ERI1: variants seen among roughly 807,000 people sequenced by gnomAD.
ERI1 encodes exoribonuclease 1.
In ERI1, 39 loss-of-function variants were observed where a neutral mutation model predicts 39.7. The ratio of observed to expected loss-of-function variants is 0.98; its 90% CI spans 0.76 to 1.28. The LOEUF (loss-of-function observed/expected upper bound fraction) is 1.28, where lower values mean the gene tolerates loss of function less well. Ranked by LOEUF, ERI1 falls within the 50% of genes most tolerant of loss-of-function variation. ERI1 has a pLI of 0.00. For synonymous variants in ERI1, 204 were observed against 149.6 expected (o/e 1.36, Z -2.65); for missense variants, 581 against 416.9 (o/e 1.39, Z -3.43).
chr8:9,024,409 CTT>C (rs896739169), intron 6 of ERI1, among the ~76,000 whole-genome samples: 1 of 149,566 alleles, frequency 6.7e-6, no homozygotes, highest in Non-Finnish European at 1.5e-5. Context: ...TCTTTTTTCT[CTT>C]TTCTTTTCTT....
At chr8:9,004,470 C>T (rs867675353) in intron 1 of ERI1, among the ~76,000 whole-genome samples, 1 of 144,364 alleles carries the variant, frequency 6.9e-6, no homozygotes, top group Admixed American at 7.0e-5. Context: ...CTGTTGCATG[C>T]TCTTTATAGT....
intron 3 of ERI1, among the ~76,000 whole-genome samples, chr8:9,046,554 G>A (rs768752617): frequency 2.0e-4 from 31 of 152,220 alleles, no homozygotes; most frequent in Non-Finnish European, 3.2e-4. Context: ...CAGTGACTAC[G>A]ACTCTTACTC....
chr8:9,045,434 C>T (rs1000311821), intron 3 of ERI1, among the ~76,000 whole-genome samples: 2 of 151,876 alleles, frequency 1.3e-5, no homozygotes, highest in African/African-American at 2.4e-5. Flanking sequence ...GCTTAATAGG[C>T]AGGCTCTCAT....
chr8:9,035,221 A>G (rs959980333), downstream of ERI1, among the ~76,000 whole-genome samples: 3 of 152,246 alleles, frequency 2.0e-5, no homozygotes, highest in South Asian at 2.1e-4. Context: ...AGATCTAGCT[A>G]AGATAACTAA....
chr8:9,009,272 A>AT, intron 2 of ERI1: 1 of 343,504 alleles, frequency 2.9e-6, no homozygotes, highest in Non-Finnish European at 5.7e-6. Context: ...ATACAAAGAA[A>AT]TCATCACAAT....
Position 9,007,978 on chromosome 8 carries a change from A to G in ERI1, c.117A>G (p.Gln39=), listed in dbSNP as rs1174525831. The change falls in exon 2 of 7, where the codon CAA becomes CAG. Residue 39 remains glutamine (Q), a synonymous_variant. Coordinates refer to ENST00000250263, the MANE Select transcript of ERI1 (RefSeq NM_153332.4). ...EPPRPSPEET[Q]QCKFDGQETK... is the part of the protein sequence containing the mutation. ...TTTTTTTTTTTTGGTAGGAAACTCA[A>G]CAGTGTAAATTTGATGGCCAGGAGA... The G allele has an allele frequency of 2.1e-6, 3 of 1,404,138 alleles. No individual in the cohort carries two copies. The highest frequency in any genetic ancestry group is 2.4e-5 in the Admixed American group (1 of 42,526). 87.0% of individuals were successfully genotyped at this position (1,404,138 alleles called of 1,614,324 possible). A position where few individuals can be genotyped will look rare whatever the true frequency, so the allele number is the denominator to read the frequency against.
At chr8:9,056,827 T>A (rs13280637) in intron 3 of ERI1, among the ~76,000 whole-genome samples, 1,700 of 152,248 alleles carry the variant, frequency 0.011, 10 homozygotes, top group Non-Finnish European at 0.018. Context: ...TGGGAACACT[T>A]TCCCCATGTA....
rs1481948118 is a variant in ERI1, at chr8:9,030,215, CT to C, written c.*184del. 1 of 749,674 alleles carries C rather than the reference CT, an allele frequency of 1.3e-6. No individual in the cohort carries two copies. The highest frequency in any genetic ancestry group is 2.9e-5 in the Admixed American group (1 of 34,238). The allele number at this position is 749,674 out of a possible 1,614,324, so 46.4% of individuals were successfully genotyped here. On this transcript the variant is annotated 3_prime_UTR_variant, in exon 7 of 7. Coordinates refer to ENST00000250263, the MANE Select transcript of ERI1 (RefSeq NM_153332.4). The stretch of plus-strand genomic sequence containing the variant: ...ATTTTGTAGGAAGGCATACTGAATT[CT>C]TTGTCACCAGCACTTTTGATATGAA...
At chr8:9,041,484 C>G (rs1173646241) in intron 3 of ERI1, among the ~76,000 whole-genome samples, 1 of 152,170 alleles carries the variant, frequency 6.6e-6, no homozygotes, top group East Asian at 1.9e-4. Context: ...TTGTATCAAA[C>G]ATCTTATCTG....
At chr8:9,033,715 G>C (rs1302024669), downstream of ERI1, among the ~76,000 whole-genome samples, 1 of 152,176 alleles carries the variant, frequency 6.6e-6, no homozygotes, top group Non-Finnish European at 1.5e-5. Context: ...AGTTGCCAAA[G>C]TTTAAGTAGT....
Position 9,016,422 on chromosome 8 carries a change from C to G in ERI1, c.582+17C>G, listed in dbSNP as rs149839132. The G allele has an allele frequency of 6.6e-7, 1 of 1,510,136 alleles. No individual in the cohort carries two copies. The highest frequency in any genetic ancestry group is 9.0e-7 in the Non-Finnish European group (1 of 1,106,918). 93.5% of individuals were successfully genotyped at this position (1,510,136 alleles called of 1,614,324 possible). On this transcript the variant is annotated intron_variant, in intron 4 of 6. Transcript: ENST00000250263. ...ATTACTCAGGTTATAATTCTAAGTT[C>G]TTCTTTCTAGAGTTTGAAAGAGTTC... is the stretch of plus-strand genomic sequence containing the variant.
At chr8:9,006,207 G>T (rs1816004316) in intron 1 of ERI1, among the ~76,000 whole-genome samples, 1 of 152,200 alleles carries the variant, frequency 6.6e-6, no homozygotes, top group Non-Finnish European at 1.5e-5. Context: ...CATTAGTGTA[G>T]ATTTGAAATT....
chr8:9,099,385 C>T (rs1195960615), intron 3 of ERI1, among the ~76,000 whole-genome samples: 2 of 151,928 alleles, frequency 1.3e-5, no homozygotes, highest in African/African-American at 4.8e-5. Flanking sequence ...TGCTTGAGCC[C>T]AGGAGTTCAA....
At chr8:9,010,441 C>G (rs970446993) in intron 2 of ERI1, among the ~76,000 whole-genome samples, 1 of 152,136 alleles carries the variant, frequency 6.6e-6, no homozygotes, top group African/African-American at 2.4e-5. Context: ...TTGAAAATCT[C>G]AAGCAAAGAA....
intron 3 of ERI1, among the ~76,000 whole-genome samples, chr8:9,014,918 A>T (rs1023816783): frequency 1.3e-5 from 2 of 152,086 alleles, no homozygotes; most frequent in Non-Finnish European, 2.9e-5. Flanking sequence ...GCTCACTGCA[A>T]CCTCTGCCTC....
intron 3 of ERI1, among the ~76,000 whole-genome samples, chr8:9,078,975 C>G (rs1425243034): frequency 6.6e-6 from 1 of 152,114 alleles, no homozygotes; most frequent in African/African-American, 2.4e-5. Context: ...AATGTAAAGA[C>G]TAACCTGGCA....
chr8:9,004,625 C>T (rs1815772539), intron 1 of ERI1, among the ~76,000 whole-genome samples: 1 of 150,748 alleles, frequency 6.6e-6, no homozygotes, highest in East Asian at 1.9e-4. Context: ...GATCGTGCCA[C>T]TGCACTCCAA....
Position 9,016,838 on chromosome 8 carries a change from C to A in ERI1, c.582+433C>A, listed in dbSNP as rs112822271. ...GTAACTGGGACTACAGGCGCGTTGC[C>A]ACCACACCCGGCTAATTTTTTTATT... is the stretch of plus-strand genomic sequence containing the variant. On this transcript the variant is annotated intron_variant, in intron 4 of 6. Transcript: ENST00000250263. Among the ~76,000 whole-genome samples the A allele has an allele frequency of 7.9e-3, 1,197 of 151,602 alleles. 15 individuals carry two copies. The highest frequency in any genetic ancestry group is 0.028 in the African/African-American group (1,150 of 41,312).
chr8:9,095,432 A>G (rs937949948), intron 3 of ERI1, among the ~76,000 whole-genome samples: 2 of 152,160 alleles, frequency 1.3e-5, no homozygotes, highest in African/African-American at 4.8e-5. Context: ...GGAGTTCAGC[A>G]TTGCAAATTC....
Sources: gnomAD v4.1 joint callset for allele counts (sites outside exome capture counted in the v4.1 genomes callset) on GRCh38, gnomAD v4.1.1 for gene constraint, MANE v1.5 for transcripts, NCBI Gene and HGNC (gene_info 2026-07-23, HGNC 2026-07-21) for gene names.